Variants in TM9SF4 observed in about 807,000 individuals in gnomAD.
TM9SF4 encodes transmembrane 9 superfamily member 4, also known as dinucleotide oxidase disulfide thiol exchanger 3 superfamily member 4.
In TM9SF4, 26 loss-of-function variants were observed where a neutral mutation model predicts 90.4. The observed-to-expected ratio is 0.29, with a 90% CI of 0.21 to 0.40. The LOEUF (loss-of-function observed/expected upper bound fraction) is 0.40. TM9SF4 is among the 10% of genes least tolerant of loss of function. The probability of loss-of-function intolerance (pLI) is 1.00; values close to 1 mark genes in which losing one functional copy is unlikely to be tolerated. For synonymous variants in TM9SF4, 293 were observed against 315.4 expected (o/e 0.93, Z 0.75); for missense variants, 549 against 834.8 (o/e 0.66, Z 4.22).
chr20:32,133,965 C>G (rs2046558228), intron 2 of TM9SF4, among the ~76,000 whole-genome samples: 1 of 150,566 alleles, frequency 6.6e-6, no homozygotes. Context: ...CACCACCATG[C>G]CTGGCTAATT....
At chr20:32,125,357 T>C (rs975399187) in intron 1 of TM9SF4, among the ~76,000 whole-genome samples, 2 of 152,364 alleles carry the variant, frequency 1.3e-5, no homozygotes, top group South Asian at 2.1e-4. Context: ...AAAAGAGTTA[T>C]ACAAATTTAC....
intron 1 of TM9SF4, among the ~76,000 whole-genome samples, chr20:32,123,866 A>ATATATATATATATATATATTTTTTTT: frequency 1.1e-4 from 10 of 93,956 alleles, no homozygotes; most frequent in African/African-American, 4.5e-4. Flanking sequence ...ATATATATAT[A>ATATATATATATATATATATTTTTTTT]TTTTTTTTTT....
At chr20:32,125,202 G>A (rs1461125435) in intron 1 of TM9SF4, among the ~76,000 whole-genome samples, 4 of 152,068 alleles carry the variant, frequency 2.6e-5, no homozygotes, top group African/African-American at 9.7e-5. Context: ...CTGCTTTCTT[G>A]TGCAACCCAA....
At chr20:32,144,474 G>A (rs6121361) in intron 6 of TM9SF4, among the ~76,000 whole-genome samples, 15,097 of 152,244 alleles carry the variant, frequency 0.099, 1,553 homozygotes, top group African/African-American at 0.26. Context: ...CTGGCTGGAT[G>A]GTAGGTGAAC....
chr20:32,109,970 C>T (rs1273281242), intron 1 of TM9SF4: 6 of 1,410,994 alleles, frequency 4.3e-6, no homozygotes, highest in East Asian at 2.5e-5. Context: ...TTGGGGGAGG[C>T]GCCGTTTCGG....
At chr20:32,140,872 T>C (rs1037746223) in intron 3 of TM9SF4, among the ~76,000 whole-genome samples, 1 of 151,672 alleles carries the variant, frequency 6.6e-6, no homozygotes, top group African/African-American at 2.4e-5. Flanking sequence ...GCCAGGAGCA[T>C]GGGGCAGGGA....
intron 1 of TM9SF4, chr20:32,110,007 C>G (rs962417006): frequency 2.1e-6 from 3 of 1,403,754 alleles, no homozygotes; most frequent in Non-Finnish European, 1.9e-6. Context: ...CTGCCTTCGC[C>G]GGTTCCCATT....
At chr20:32,124,573 T>TGAA (rs1408436758) in intron 1 of TM9SF4, among the ~76,000 whole-genome samples, 8 of 146,974 alleles carry the variant, frequency 5.4e-5, no homozygotes, top group African/African-American at 2.0e-4. Flanking sequence ...ATATGACCTC[T>TGAA]GAAGTTCTTT....
intron 12 of TM9SF4, among the ~76,000 whole-genome samples, chr20:32,152,999 A>G (rs2046865610): frequency 6.6e-6 from 1 of 152,186 alleles, no homozygotes; most frequent in African/African-American, 2.4e-5. Flanking sequence ...AGAGTCATGC[A>G]GGAACACAAA....
chr20:32,156,699 C>G (rs948325446), intron 13 of TM9SF4, among the ~76,000 whole-genome samples: 4 of 152,034 alleles, frequency 2.6e-5, no homozygotes, highest in Non-Finnish European at 5.9e-5. Context: ...CTCTGCCTCC[C>G]GGGCTCAAGT....
At chr20:32,154,151 G>T (rs1404112042) in intron 12 of TM9SF4, among the ~76,000 whole-genome samples, 1 of 152,016 alleles carries the variant, frequency 6.6e-6, no homozygotes, top group Non-Finnish European at 1.5e-5. Flanking sequence ...TGTTTTTTAG[G>T]GTTTTTGTGT....
At chr20:32,163,562 A>G (rs2047058045) in intron 17 of TM9SF4, among the ~76,000 whole-genome samples, 1 of 150,662 alleles carries the variant, frequency 6.6e-6, no homozygotes, top group Admixed American at 6.6e-5. Flanking sequence ...CAGGTCCAAT[A>G]GCATCACATA....
In TM9SF4 at chr20:32,158,300, C is replaced by T. The variant is rs532657352; in HGVS notation, c.1506-151C>T. On this transcript the variant is annotated intron_variant, in intron 14 of 17. Coordinates refer to ENST00000398022, the MANE Select transcript of TM9SF4 (RefSeq NM_014742.4). ...AGAATAATGCCCACCCTGCCTACCT[C>T]TCAAGAGATTATAATAGTACAGAAA... The T allele has an allele frequency of 1.5e-4, 126 of 829,070 alleles. 1 individual carries two copies. The highest frequency in any genetic ancestry group is 1.3e-3 in the South Asian group (81 of 61,496). 51.4% of individuals were successfully genotyped at this position (829,070 alleles called of 1,614,324 possible). A position where few individuals can be genotyped will look rare whatever the true frequency, so the allele number is the denominator to read the frequency against.
chr20:32,155,652 G>C (rs1456632771), intron 13 of TM9SF4, among the ~76,000 whole-genome samples: 4 of 152,224 alleles, frequency 2.6e-5, no homozygotes, highest in Non-Finnish European at 5.9e-5. Context: ...CCCCAGTCCA[G>C]TGTGTTACTA....
intron 1 of TM9SF4, among the ~76,000 whole-genome samples, chr20:32,123,866 A>ATCTATATATTTTTTTTTTT: frequency 1.1e-5 from 1 of 93,980 alleles, no homozygotes; most frequent in Non-Finnish European, 2.0e-5. Context: ...ATATATATAT[A>ATCTATATATTTTTTTTTTT]TTTTTTTTTT....
chr20:32,110,006 C>T (rs759434605), intron 1 of TM9SF4: 8 of 1,406,314 alleles, frequency 5.7e-6, no homozygotes, highest in Non-Finnish European at 7.4e-6. Context: ...GCTGCCTTCG[C>T]CGGTTCCCAT....
At chr20:32,122,381 C>G (rs553745644) in intron 1 of TM9SF4, among the ~76,000 whole-genome samples, 115 of 148,316 alleles carry the variant, frequency 7.8e-4, no homozygotes, top group African/African-American at 2.4e-3. Flanking sequence ...GGGTGGCTGC[C>G]GGGCGGAGAG....
In TM9SF4 at chr20:32,145,030, A is replaced by G. The variant is rs1009457493; in HGVS notation, c.653-61A>G. 1.2e-5 allele frequency: 19 copies of G among 1,535,886 alleles called. 1 individual carries two copies. The highest frequency in any genetic ancestry group is 1.5e-5 in the Non-Finnish European group (17 of 1,109,526). On this transcript the variant is annotated intron_variant, in intron 6 of 17. Coordinates refer to ENST00000398022, the MANE Select transcript of TM9SF4 (RefSeq NM_014742.4). ...GGCAGCCTTGAGGGCAGCCCCTGGA[A>G]TAGCCCCTGGGCAGTGGCACTGGCC...
chr20:32,109,937 C>A, intron 1 of TM9SF4, 182 bp downstream of exon 1: 1 of 1,434,832 alleles, frequency 7.0e-7, no homozygotes, highest in Non-Finnish European at 9.1e-7. Context: ...CCCCTGCACT[C>A]AGGCTTGTGA....
Sources: allele counts gnomAD v4.1 joint callset (sites outside exome capture counted in the v4.1 genomes callset), GRCh38; gene constraint gnomAD v4.1.1; transcripts MANE v1.5; gene names NCBI Gene and HGNC (gene_info 2026-07-23, HGNC 2026-07-21).